FRMD6: variants seen among roughly 807,000 people sequenced by gnomAD.
FRMD6 encodes the protein FERM domain-containing protein 6.
Under a neutral mutation model 73.2 loss-of-function variants are expected in FRMD6, and 37 were observed. That is an observed-to-expected ratio of 0.51 (90% confidence interval 0.39 to 0.66). The LOEUF is 0.66. Among genes scored for constraint, FRMD6 ranks in the 30% least tolerant of loss-of-function variants. The pLI, the probability that FRMD6 is intolerant of heterozygous loss-of-function variation, is 0.00. For synonymous variants in FRMD6, 273 were observed against 282.2 expected, an observed-to-expected ratio of 0.97 and a Z score of 0.33; for missense variants, 714 against 780.5, an observed-to-expected ratio of 0.91 and a Z score of 1.02.
rs369210000 is a variant in FRMD6, at chr14:51,689,717, G to A, written c.-120G>A. On this transcript the variant is annotated 5_prime_UTR_variant, in exon 2 of 14. The change creates a new upstream start codon in the 5' untranslated region. Transcript: ENST00000344768. ...TATGAAACCCACGTAGTCGAACACC[G>A]TGATGCTTCTCCTGCAGGGCGTGTG... The A allele has an allele frequency of 5.7e-6, 4 of 706,098 alleles. No individual in the cohort carries two copies. Among genetic ancestry groups the A allele is most frequent in the South Asian group, 3.2e-5 (2 of 63,088 alleles). 43.7% of individuals were successfully genotyped at this position (706,098 alleles called of 1,614,324 possible).
chr14:51,397,750 A>G, the FRMD6 span, among the ~76,000 whole-genome samples: 3 of 152,196 alleles, frequency 2.0e-5, no homozygotes, highest in Non-Finnish European at 4.4e-5. Flanking sequence ...ACCTCGTGTG[A>G]TGAGTTGCGG....
intron 2 of FRMD6, among the ~76,000 whole-genome samples, chr14:51,576,893 G>A (rs891330228): frequency 6.6e-6 from 1 of 152,088 alleles, no homozygotes; most frequent in African/African-American, 2.4e-5. Context: ...TTCTCTCTTT[G>A]AGCCTCTCCT....
chr14:51,434,002 C>A, the FRMD6 span, among the ~76,000 whole-genome samples: 1 of 152,138 alleles, frequency 6.6e-6, no homozygotes, highest in Non-Finnish European at 1.5e-5. Flanking sequence ...TTTAGCAATT[C>A]TGAAGCTACA....
chr14:51,553,250 G>A (rs1264245499), intron 1 of FRMD6, among the ~76,000 whole-genome samples: 1 of 152,140 alleles, frequency 6.6e-6, no homozygotes, highest in Non-Finnish European at 1.5e-5. Flanking sequence ...GTGATTTCAG[G>A]ATAATAGCAT....
chr14:51,433,229 A>G, the FRMD6 span, among the ~76,000 whole-genome samples: 5 of 152,204 alleles, frequency 3.3e-5, no homozygotes, highest in Non-Finnish European at 5.9e-5. Context: ...ATGACAGTAC[A>G]TATATACAAG....
the FRMD6 span, among the ~76,000 whole-genome samples, chr14:51,453,471 G>A: frequency 1.8e-4 from 28 of 152,290 alleles, no homozygotes; most frequent in South Asian, 2.7e-3. Context: ...ACCCTCAGCC[G>A]CTACTTTTAA....
the FRMD6 span, among the ~76,000 whole-genome samples, chr14:51,414,711 TG>T: frequency 6.6e-6 from 1 of 152,204 alleles, no homozygotes; most frequent in Non-Finnish European, 1.5e-5. Context: ...GGTAGTTTGA[TG>T]GGGGTGGCAT....
At chr14:51,552,470 A>G (rs558713237) in intron 1 of FRMD6, among the ~76,000 whole-genome samples, 26 of 152,340 alleles carry the variant, frequency 1.7e-4, no homozygotes, top group African/African-American at 6.0e-4. Flanking sequence ...AGGGGCTGGC[A>G]ATGATTTCAC....
intron 1 of FRMD6, among the ~76,000 whole-genome samples, chr14:51,540,619 A>G (rs1442609122): frequency 2.0e-5 from 3 of 152,146 alleles, no homozygotes; most frequent in Non-Finnish European, 4.4e-5. Context: ...AGCCCTGTGA[A>G]GTAAGCTCAC....
chr14:51,571,889 T>C (rs1888153678), intron 2 of FRMD6, among the ~76,000 whole-genome samples: 1 of 152,210 alleles, frequency 6.6e-6, no homozygotes, highest in Non-Finnish European at 1.5e-5. Flanking sequence ...ACATCAAACT[T>C]TGTCTCATTA....
chr14:51,428,573 A>C, the FRMD6 span, among the ~76,000 whole-genome samples: 10 of 152,310 alleles, frequency 6.6e-5, no homozygotes, highest in Admixed American at 2.0e-4. Context: ...CTGGACCTCC[A>C]GTCTGAGCCT....
intron 4 of FRMD6, among the ~76,000 whole-genome samples, chr14:51,701,382 ATAG>A (rs1211004198): frequency 1.4e-5 from 2 of 146,408 alleles, no homozygotes; most frequent in African/African-American, 4.9e-5. Flanking sequence ...GAGTATATAT[ATAG>A]TAGTATATAT....
chr14:51,616,118 G>C (rs2139893247), intron 2 of FRMD6, among the ~76,000 whole-genome samples: 1 of 152,308 alleles, frequency 6.6e-6, no homozygotes, highest in East Asian at 1.9e-4. Context: ...ACAGCAGGTT[G>C]GGGGTGGATG....
the FRMD6 span, among the ~76,000 whole-genome samples, chr14:51,449,917 G>A: frequency 0.27 from 41,680 of 152,048 alleles, 6,147 homozygotes; most frequent in Non-Finnish European, 0.33. Flanking sequence ...ATCACAGCTG[G>A]GGATTTCAGC....
At chr14:51,652,667 T>A (rs777428041) in intron 1 of FRMD6, among the ~76,000 whole-genome samples, 1 of 152,090 alleles carries the variant, frequency 6.6e-6, no homozygotes, top group Non-Finnish European at 1.5e-5. Context: ...GGGGCCTGGG[T>A]GAGATACGAG....
chr14:51,524,656 ACT>A (rs1403304378), intron 1 of FRMD6, among the ~76,000 whole-genome samples: 1 of 152,126 alleles, frequency 6.6e-6, no homozygotes, highest in African/African-American at 2.4e-5. Context: ...AGGTTTAGAG[ACT>A]CTGGTGCTGC....
the FRMD6 span, among the ~76,000 whole-genome samples, chr14:51,467,251 A>T: frequency 6.6e-6 from 1 of 152,340 alleles, no homozygotes; most frequent in Admixed American, 6.5e-5. Context: ...CTTAGTGGAC[A>T]CAGCACATGT....
chr14:51,447,523 T>C, the FRMD6 span, among the ~76,000 whole-genome samples: 1 of 152,136 alleles, frequency 6.6e-6, no homozygotes, highest in South Asian at 2.1e-4. Flanking sequence ...AGGCCTTTGC[T>C]CAGACTGCAC....
chr14:51,670,972 T>C (rs894572506), intron 1 of FRMD6, among the ~76,000 whole-genome samples: 1 of 152,224 alleles, frequency 6.6e-6, no homozygotes, highest in African/African-American at 2.4e-5. Context: ...CATGAACATA[T>C]GTTAAATTTT....
Sources: allele counts gnomAD v4.1 joint callset (sites outside exome capture counted in the v4.1 genomes callset), GRCh38; gene constraint gnomAD v4.1.1; transcripts MANE v1.5; gene names NCBI Gene and HGNC (gene_info 2026-07-23, HGNC 2026-07-21).